The following BROX variants were observed in gnomAD, a reference collection of about 807,000 sequenced individuals.
BROX encodes the protein BRO1 domain and CAAX motif containing.
Under a neutral mutation model 61.0 loss-of-function variants are expected in BROX, and 53 were observed. The ratio of observed to expected loss-of-function variants is 0.87; its 90% CI spans 0.70 to 1.09. The LOEUF (loss-of-function observed/expected upper bound fraction) is 1.09, where lower values mean the gene tolerates loss of function less well. BROX is among the 50% of genes least tolerant of loss of function. The pLI is 0.00. For synonymous variants in BROX, 152 were observed against 160.2 expected (o/e 0.95, Z 0.38); for missense variants, 489 against 472.0 (o/e 1.04, Z -0.33).
Position 222,727,190 on chromosome 1 carries a change from A to T in BROX, c.603A>T (p.Glu201Asp). 1 of 1,613,290 alleles carries T rather than the reference A, an allele frequency of 6.2e-7. No homozygotes were observed. The highest frequency in any genetic ancestry group is 2.2e-5 in the East Asian group (1 of 44,846). Residue 201 changes from glutamate (E) to aspartate (D), a missense_variant, in exon 8 of 13, where the codon GAA (glutamate) becomes GAT (aspartate). By Grantham distance (45) the Glu-to-Asp change is conservative. Coordinates refer to ENST00000340934, the MANE Select transcript of BROX (RefSeq NM_144695.4). The stretch of plus-strand genomic sequence containing the variant: ...CAGTAACAATTGCTCGAGCAATTGA[A>T]CTAAAACATGCTCCTGGACTAATTG... ...AQEVTIARAIELKHAPGLIAA... is the reference protein window; with the variant it reads ...AQEVTIARAIDLKHAPGLIAA...
chr1:222,724,236 G>T (rs926839444), intron 6 of BROX, 72 bp downstream of exon 6: 1 of 1,229,998 alleles, frequency 8.1e-7, no homozygotes, highest in Admixed American at 2.3e-5. Context: ...CTTTTGGGAG[G>T]ATATGGGGAA....
At position 222,715,730 on chromosome 1, in the gene BROX, A is replaced by G. The variant is rs1656552584; in HGVS notation, c.31A>G (p.Lys11Glu). ...CCATTGGTTTCATAGGAACCCATTA[A>G]AAGCCACAGCTCCTGTGTCTTTTAA... MTHWFHRNPLKATAPVSFNYY... is the reference protein window; with the variant it reads MTHWFHRNPLEATAPVSFNYY... Residue 11 changes from lysine (K) to glutamate (E), a missense_variant, in exon 2 of 13, where the codon AAA becomes GAA. Physicochemically the swap from Lys to Glu is moderately conservative, Grantham distance 56 (BLOSUM62 1). Coordinates refer to ENST00000340934, the MANE Select transcript of BROX (RefSeq NM_144695.4). The G allele has an allele frequency of 3.8e-6, 6 of 1,585,344 alleles. No individual in the cohort carries two copies. Among genetic ancestry groups the G allele is most frequent in the Non-Finnish European group, 5.2e-6 (6 of 1,164,570 alleles).
chr1:222,728,428 T>A (rs1445020961), intron 8 of BROX, among the ~76,000 whole-genome samples: 1 of 152,166 alleles, frequency 6.6e-6, no homozygotes. Flanking sequence ...ATAAGTTTTT[T>A]AAATTAGCTA....
intron 1 of BROX, chr1:222,713,789 G>A (rs1288688647): frequency 1.3e-5 from 2 of 152,166 alleles, no homozygotes; most frequent in South Asian, 2.1e-4. Flanking sequence ...TAGGCACATA[G>A]ATGCTGTATT....
At chr1:222,728,298 T>C (rs1015516017) in intron 8 of BROX, among the ~76,000 whole-genome samples, 2 of 152,148 alleles carry the variant, frequency 1.3e-5, no homozygotes, top group Non-Finnish European at 1.5e-5. Context: ...AGATGTTTGG[T>C]AGAAGGATAT....
intron 6 of BROX, among the ~76,000 whole-genome samples, chr1:222,725,014 C>G (rs1463689215): frequency 1.3e-5 from 2 of 152,112 alleles, no homozygotes; most frequent in Admixed American, 6.5e-5. Context: ...AGGCTGGTCT[C>G]AAACTCCTGA....
At chr1:222,727,606 C>T (rs1275568052) in intron 8 of BROX, among the ~76,000 whole-genome samples, 1 of 152,036 alleles carries the variant, frequency 6.6e-6, no homozygotes, top group East Asian at 1.9e-4. Context: ...GGAGATTGGG[C>T]GTAGAACACA....
rs748835226 is a variant in BROX, at chr1:222,725,446, T to G, written c.475-4T>G. ...TTTTTTGTCTTTTTTGTTGTTGTTC[T>G]CAGGAAAGTCATCTCCCAAAACTCA... On this transcript the variant is annotated splice_polypyrimidine_tract_variant and splice_region_variant and intron_variant, in intron 6 of 12. Transcript: ENST00000340934. 8 of 1,582,206 alleles carry G rather than the reference T, an allele frequency of 5.1e-6. No homozygotes were observed. The Admixed American group carries it at 5.7e-5, about 11-fold the overall frequency.
chr1:222,712,827 C>T lies in BROX; in HGVS notation c.-132C>T, dbSNP rs111319544. 4 of 1,288,258 alleles carry T rather than the reference C, an allele frequency of 3.1e-6. No homozygotes were observed. Among genetic ancestry groups the T allele is most frequent in the East Asian group, 5.6e-5 (1 of 18,008 alleles). 79.8% of individuals were successfully genotyped at this position (1,288,258 alleles called of 1,614,324 possible). A position where few individuals can be genotyped will look rare whatever the true frequency, so the allele number is the denominator to read the frequency against. On this transcript the variant is annotated 5_prime_UTR_variant, in exon 1 of 13. Coordinates refer to ENST00000340934, the MANE Select transcript of BROX (RefSeq NM_144695.4). ...CCGGCTTGGCGCCGTCCTGGTTTTCCGTCACCCTGGTTCTGTAGTCTCGGT... is the reference window on the plus strand; with the variant it reads ...CCGGCTTGGCGCCGTCCTGGTTTTCTGTCACCCTGGTTCTGTAGTCTCGGT...
chr1:222,717,637 T>C (rs754668044), intron 2 of BROX, among the ~76,000 whole-genome samples: 1 of 152,240 alleles, frequency 6.6e-6, no homozygotes, highest in Non-Finnish European at 1.5e-5. Context: ...ACATTTTCAG[T>C]CAGCTGTTTG....
At position 222,731,410 on chromosome 1, in the gene BROX, A is replaced by G. The variant is rs1657925414; in HGVS notation, c.1043A>G (p.Tyr348Cys). ...CCACAGCTGGAACTCAAAGCAAATT[A>G]TGGTCTCGTAGAGCCTATACCTTTC... ...EAPQLELKANYGLVEPIPFEF... is the reference protein window; with the variant it reads ...EAPQLELKANCGLVEPIPFEF... The change falls in exon 12 of 13, where the codon TAT (tyrosine) becomes TGT (cysteine). Residue 348 changes from tyrosine to cysteine, a missense_variant. Tyr to Cys is a radical substitution (Grantham distance 194). Transcript: ENST00000340934. 6.3e-7 allele frequency: 1 copy of G among 1,581,526 alleles called. No individual in the cohort carries two copies. Among genetic ancestry groups the G allele is most frequent in the Non-Finnish European group, 8.5e-7 (1 of 1,171,984 alleles).
chr1:222,728,944 A>G, intron 9 of BROX, 116 bp downstream of exon 9: 1 of 640,546 alleles, frequency 1.6e-6, no homozygotes, highest in Non-Finnish European at 2.5e-6. Flanking sequence ...ATGGACAGCT[A>G]ACTCTCAGTA....
At chr1:222,732,171 A>G (rs1216075414) in intron 12 of BROX, among the ~76,000 whole-genome samples, 5 of 152,220 alleles carry the variant, frequency 3.3e-5, no homozygotes, top group Non-Finnish European at 4.4e-5. Flanking sequence ...GAGATAGCCT[A>G]TTGCTGTCAT....
chr1:222,729,911 C>A, intron 10 of BROX, 116 bp from the exon 11 acceptor site: 1 of 1,067,764 alleles, frequency 9.4e-7, no homozygotes, highest in Non-Finnish European at 1.4e-6. Flanking sequence ...ATTGGTATTG[C>A]TATTATATTA....
chr1:222,727,045 A>G, intron 7 of BROX, 123 bp from the exon 8 acceptor site: 1 of 700,322 alleles, frequency 1.4e-6, no homozygotes, highest in Non-Finnish European at 2.4e-6. Context: ...GCACGTTAAA[A>G]CGTTTAACAA....
At position 222,719,352 on chromosome 1, in the gene BROX, G is replaced by T; in HGVS notation, c.298G>T (p.Val100Phe). 1 of 1,603,842 alleles carries T rather than the reference G, an allele frequency of 6.2e-7. No individual in the cohort carries two copies. Among genetic ancestry groups the T allele is most frequent in the Non-Finnish European group, 8.5e-7 (1 of 1,171,030 alleles). The change falls in exon 4 of 13, where the codon GTT (valine) becomes TTT (phenylalanine). Residue 100 changes from valine (V) to phenylalanine (F), a missense_variant. Physicochemically the swap from Val to Phe is conservative, Grantham distance 50 (BLOSUM62 -1). Coordinates refer to ENST00000340934, the MANE Select transcript of BROX (RefSeq NM_144695.4). The part of the protein sequence containing the change: ...FKWTDTLQGQ[V>F]PSAQQDAVFE... Reference sequence around the variant, plus strand: ...GTGGACTGATACATTGCAAGGACAGGTTCCAAGGTAAGCAACACTAAAGTA... The same window carrying T: ...GTGGACTGATACATTGCAAGGACAGTTTCCAAGGTAAGCAACACTAAAGTA...
At chr1:222,728,936 G>A (rs1006229511) in intron 9 of BROX, 108 bp downstream of exon 9, 1 of 706,100 alleles carries the variant, frequency 1.4e-6, no homozygotes, top group Non-Finnish European at 2.2e-6. Context: ...TACAAATAAT[G>A]GACAGCTAAC....
chr1:222,722,510 G>A lies in BROX; in HGVS notation c.397G>A (p.Glu133Lys). The A allele has an allele frequency of 6.3e-7, 1 of 1,599,544 alleles. No individual in the cohort carries two copies. The highest frequency in any genetic ancestry group is 8.6e-7 in the Non-Finnish European group (1 of 1,167,118). ...ATATGCTTCAAGACTGGCTGGAAAA[G>A]AAAAGTAAGTTAATAGGAGAGGATT... is the stretch of plus-strand genomic sequence containing the variant. ...TKYASRLAGKENITEDEAKEV... is the reference protein window; with the variant it reads ...TKYASRLAGKKNITEDEAKEV... Residue 133 changes from glutamate (E) to lysine (K), a missense_variant, in exon 5 of 13, where the codon GAA (glutamate) becomes AAA (lysine). Physicochemically the swap from Glu to Lys is moderately conservative, Grantham distance 56 (BLOSUM62 1). Transcript: ENST00000340934.
chr1:222,730,192 AT>A lies in BROX; in HGVS notation c.989+16del. The A allele has an allele frequency of 6.8e-7, 1 of 1,468,532 alleles. No homozygotes were observed. Among genetic ancestry groups the A allele is most frequent in the Admixed American group, 2.0e-5 (1 of 50,038 alleles). The allele number at this position is 1,468,532 out of a possible 1,614,324, so 91.0% of individuals were successfully genotyped here. On this transcript the variant is annotated intron_variant, in intron 11 of 12. Transcript: ENST00000340934. ...AATGGATTTATGTGAGTACAGTTTA[AT>A]ATTACTTTAGTAATAATATTATGTT...
Sources: gnomAD v4.1 joint callset for allele counts (sites outside exome capture counted in the v4.1 genomes callset) on GRCh38, gnomAD v4.1.1 for gene constraint, MANE v1.5 for transcripts, NCBI Gene and HGNC (gene_info 2026-07-23, HGNC 2026-07-21) for gene names.